Variants in NCALD observed in about 807,000 individuals in gnomAD.
NCALD encodes the protein neurocalcin delta, also known as neurocalcin-delta.
A neutral mutation model predicts 18.6 loss-of-function variants in NCALD; 10 were observed. The observed-to-expected ratio is 0.54, with a 90% confidence interval of 0.33 to 0.91. The LOEUF is 0.91. NCALD is among the 40% of genes least tolerant of loss of function. NCALD has a pLI of 0.03. For missense variants in NCALD, 184 were observed against 247.6 expected, an observed-to-expected ratio of 0.74 and a Z score of 1.72; for synonymous variants, 88 against 87.4, an observed-to-expected ratio of 1.01 and a Z score of -0.04.
intron 1 of NCALD, among the ~76,000 whole-genome samples, chr8:101,725,518 G>A (rs1361848077): frequency 6.6e-6 from 1 of 152,108 alleles, no homozygotes; most frequent in Non-Finnish European, 1.5e-5. Flanking sequence ...CAAGAACCCG[G>A]GTACCAAGAG....
intron 1 of NCALD, among the ~76,000 whole-genome samples, chr8:101,770,188 G>A (rs1268185038): frequency 1.3e-5 from 2 of 152,168 alleles, no homozygotes; most frequent in Non-Finnish European, 2.9e-5. Context: ...ATGGCCCTGT[G>A]CTCTCCAACT....
intron 4 of NCALD, among the ~76,000 whole-genome samples, chr8:101,865,306 C>A (rs1325048640): frequency 6.6e-6 from 1 of 152,120 alleles, no homozygotes; most frequent in Non-Finnish European, 1.5e-5. Flanking sequence ...GAGTTTGAGG[C>A]ACAGAAGTCA....
intron 1 of NCALD, among the ~76,000 whole-genome samples, chr8:101,789,540 A>G (rs1812371247): frequency 6.6e-6 from 1 of 152,218 alleles, no homozygotes; most frequent in African/African-American, 2.4e-5. Context: ...AGAGTAAAAT[A>G]AATGCTATTA....
intron 2 of NCALD, among the ~76,000 whole-genome samples, chr8:101,711,025 C>T (rs1815764857): frequency 6.6e-6 from 1 of 152,174 alleles, no homozygotes; most frequent in South Asian, 2.1e-4. Flanking sequence ...CTTTGGCTGG[C>T]ACCTGGCCAG....
At position 101,798,480 on chromosome 8, in the gene NCALD, A is replaced by G. The variant is rs116470002; in HGVS notation, c.-19-78832T>C. ...GTACAGGACTTGTATTCTGAAAACT[A>G]CAAAATGCCAATGAAAGAAATCAAA... On this transcript the variant is annotated intron_variant, in intron 4 of 6. Transcript: ENST00000311028. Among the ~76,000 whole-genome samples, 554 of 152,340 alleles carry G rather than the reference A, an allele frequency of 3.6e-3. 4 individuals are homozygous for G. The highest frequency in any genetic ancestry group is 0.012 in the African/African-American group (519 of 41,578).
At chr8:101,894,630 A>G (rs1817072477) in intron 3 of NCALD, among the ~76,000 whole-genome samples, 1 of 148,432 alleles carries the variant, frequency 6.7e-6, no homozygotes, top group South Asian at 2.1e-4. Flanking sequence ...ACTAATAAAG[A>G]AAAAAAGAGA....
At chr8:101,980,915 C>T (rs1820597325) in intron 2 of NCALD, among the ~76,000 whole-genome samples, 1 of 152,204 alleles carries the variant, frequency 6.6e-6, no homozygotes, top group African/African-American at 2.4e-5. Flanking sequence ...AGTCCTACTC[C>T]TCCTTAAAAA....
intron 1 of NCALD, among the ~76,000 whole-genome samples, chr8:102,099,822 A>C (rs1204729242): frequency 6.6e-6 from 1 of 151,794 alleles, no homozygotes; most frequent in Admixed American, 6.6e-5. Context: ...AAAATTACCA[A>C]AAAAATTACC....
At chr8:101,801,333 C>A (rs1001108606) in intron 4 of NCALD, among the ~76,000 whole-genome samples, 2 of 152,060 alleles carry the variant, frequency 1.3e-5, no homozygotes, top group Non-Finnish European at 2.9e-5. Flanking sequence ...ATTTAAATTA[C>A]AAAATTAACC....
rs1332997903 is a variant in NCALD, at chr8:101,833,745, AAG to A, written c.-20+53394_-20+53395del. Among the ~76,000 whole-genome samples, 3 of 152,130 alleles carry A rather than the reference AAG, an allele frequency of 2.0e-5. No homozygotes were observed. The East Asian group carries it at 5.8e-4, about 29-fold the overall frequency. The stretch of plus-strand genomic sequence containing the variant: ...ATTATCCAAACTGAAAAAAAAGAAA[AAG>A]AGAAAAAAGTGTGTAAAACTGGTGA... On this transcript the variant is annotated intron_variant, in intron 4 of 6. Coordinates refer to the NCALD transcript ENST00000311028.
At chr8:101,787,419 CA>C (rs1262590662) in intron 1 of NCALD, among the ~76,000 whole-genome samples, 27 of 152,246 alleles carry the variant, frequency 1.8e-4, no homozygotes, top group Admixed American at 3.3e-4. Flanking sequence ...TGAATTTAAA[CA>C]ACAGCTTGTG....
chr8:101,872,244 A>G, intron 4 of NCALD: 1 of 1,429,900 alleles, frequency 7.0e-7, no homozygotes, highest in African/African-American at 1.4e-5. Flanking sequence ...CTTCTTGAAC[A>G]TAATACTTCC....
intron 2 of NCALD, among the ~76,000 whole-genome samples, chr8:101,998,484 G>A (rs1821319752): frequency 6.6e-6 from 1 of 152,154 alleles, no homozygotes; most frequent in East Asian, 1.9e-4. Flanking sequence ...AGCCAAAGGT[G>A]GGGAGTGGGA....
chr8:102,041,626 A>C (rs1305135669), intron 1 of NCALD, among the ~76,000 whole-genome samples: 2 of 152,250 alleles, frequency 1.3e-5, no homozygotes, highest in Non-Finnish European at 2.9e-5. Context: ...TTTCAAAGCC[A>C]GTTTGATACA....
intron 1 of NCALD, among the ~76,000 whole-genome samples, chr8:102,033,759 C>T (rs1213492412): frequency 6.6e-6 from 1 of 152,112 alleles, no homozygotes; most frequent in Non-Finnish European, 1.5e-5. Context: ...TGCCTTATTA[C>T]TTCCATATCC....
chr8:101,964,437 A>G lies in NCALD; in HGVS notation c.-156-48579T>C, dbSNP rs74870375. Among the ~76,000 whole-genome samples the G allele has an allele frequency of 3.9e-5, 6 of 152,290 alleles. No individual in the cohort carries two copies. The East Asian group carries it at 1.2e-3, about 29-fold the overall frequency. ...CAAAGGCAAGGTTCTGATTGGTGAC[A>G]ATGCAGGGTCCCAGTAGCCTTCCAT... is the stretch of plus-strand genomic sequence containing the variant. On this transcript the variant is annotated intron_variant, in intron 2 of 6. Transcript: ENST00000311028.
chr8:101,833,629 T>G (rs1236518009), intron 4 of NCALD, among the ~76,000 whole-genome samples: 2 of 148,992 alleles, frequency 1.3e-5, no homozygotes, highest in African/African-American at 5.0e-5. Flanking sequence ...TTTTTTTTTT[T>G]TTTTGGTAAC....
chr8:102,097,592 C>G (rs1451120587), intron 1 of NCALD, among the ~76,000 whole-genome samples: 1 of 152,216 alleles, frequency 6.6e-6, no homozygotes, highest in Non-Finnish European at 1.5e-5. Context: ...GCCAGCAGTT[C>G]TGGATGCCTC....
upstream of NCALD, among the ~76,000 whole-genome samples, chr8:101,794,361 G>T (rs1278156698): frequency 6.6e-6 from 1 of 152,040 alleles, no homozygotes; most frequent in Non-Finnish European, 1.5e-5. Flanking sequence ...GAAAGAAATG[G>T]TTCCTTTTTC....
Sources: gnomAD v4.1 joint callset for allele counts (sites outside exome capture counted in the v4.1 genomes callset) on GRCh38, gnomAD v4.1.1 for gene constraint, MANE v1.5 for transcripts, NCBI Gene and HGNC (gene_info 2026-07-23, HGNC 2026-07-21) for gene names.